The following GSKIP variants were observed in gnomAD, a reference collection of about 807,000 sequenced individuals.
GSKIP encodes the protein GSK3B interacting protein.
GSKIP carries 5 observed loss-of-function variants against 11.9 expected under a neutral mutation model. The ratio of observed to expected loss-of-function variants is 0.42; its 90% confidence interval spans 0.22 to 0.89. The LOEUF is 0.89. GSKIP is among the 40% of genes least tolerant of loss of function. The pLI, the probability that GSKIP is intolerant of heterozygous loss-of-function variation, is 0.29. For missense variants in GSKIP, 150 were observed against 166.6 expected, an observed-to-expected ratio of 0.90 and a Z score of 0.55; for synonymous variants, 70 against 62.9, an observed-to-expected ratio of 1.11 and a Z score of -0.54.
intron 1 of GSKIP, among the ~76,000 whole-genome samples, chr14:96,368,566 G>A (rs1888961659): frequency 1.3e-5 from 2 of 152,148 alleles, no homozygotes. Flanking sequence ...GCACTGCTGT[G>A]GTTTGGATAT....
chr14:96,382,228 C>CA lies in GSKIP; in HGVS notation c.-1-19_-1-18insA. The CA allele has an allele frequency of 7.3e-7, 1 of 1,375,952 alleles. No individual in the cohort carries two copies. Among genetic ancestry groups the CA allele is most frequent in the Non-Finnish European group, 9.8e-7 (1 of 1,022,490 alleles). 85.2% of individuals were successfully genotyped at this position (1,375,952 alleles called of 1,614,324 possible). A position where few individuals can be genotyped will look rare whatever the true frequency, so the allele number is the denominator to read the frequency against. On this transcript the variant is annotated intron_variant, in intron 2 of 3. Coordinates refer to ENST00000555181, the MANE Select transcript of GSKIP (RefSeq NM_016472.5). Reference sequence around the variant, plus strand: ...TTTCTATAAACAAATTTTATAACTGCTTTTTTTTTTTTTTACAGAATGGAA... The same window carrying CA: ...TTTCTATAAACAAATTTTATAACTGCATTTTTTTTTTTTTTACAGAATGGAA...
Position 96,382,442 on chromosome 14 carries a change from T to C in GSKIP, c.195T>C (p.Tyr65=), listed in dbSNP as rs1889372906. The change falls in exon 3 of 4, where the codon TAT becomes TAC. Residue 65 remains tyrosine (Y), a synonymous_variant. Coordinates refer to ENST00000555181, the MANE Select transcript of GSKIP (RefSeq NM_016472.5). The part of the protein sequence containing the change: ...KSLRCADDVA[Y]INVETKERNR... ...TGCGGTGTGCGGATGATGTGGCCTA[T>C]ATCAATGTGGAAACAAAGGAAAGAA... is the stretch of plus-strand genomic sequence containing the variant. 1 of 1,612,882 alleles carries C rather than the reference T, an allele frequency of 6.2e-7. No individual in the cohort carries two copies.
intron 1 of GSKIP, among the ~76,000 whole-genome samples, chr14:96,378,485 C>T (rs1348224254): frequency 1.3e-5 from 2 of 152,186 alleles, no homozygotes; most frequent in Non-Finnish European, 2.9e-5. Context: ...TTCCTGAAGC[C>T]TCTAGAAGGA....
chr14:96,382,864 A>G (rs1398615389), intron 3 of GSKIP, among the ~76,000 whole-genome samples: 1 of 152,090 alleles, frequency 6.6e-6, no homozygotes, highest in Non-Finnish European at 1.5e-5. Context: ...GATTTTCAAC[A>G]CCTCTTGAAA....
intron 1 of GSKIP, among the ~76,000 whole-genome samples, chr14:96,377,033 G>A (rs1889221662): frequency 1.3e-5 from 2 of 152,136 alleles, no homozygotes; most frequent in African/African-American, 4.8e-5. Context: ...CTTTACATCT[G>A]CTGAGATTTT....
chr14:96,382,910 C>G (rs1281095123), intron 3 of GSKIP, among the ~76,000 whole-genome samples: 1 of 152,208 alleles, frequency 6.6e-6, no homozygotes, highest in Non-Finnish European at 1.5e-5. Flanking sequence ...CTTGACAACA[C>G]TGTTTTCCAA....
Position 96,385,712 on chromosome 14 carries a change from G to C in GSKIP, c.*28G>C. 2.5e-6 allele frequency: 4 copies of C among 1,576,356 alleles called. No individual in the cohort carries two copies. The highest frequency in any genetic ancestry group is 3.5e-6 in the Non-Finnish European group (4 of 1,158,090). Reference sequence around the variant, plus strand: ...ACACTTTTTCCTTTCAGAGGGGCTGGTGCTGGTACAGAATGTTGATATAAA... The same window carrying C: ...ACACTTTTTCCTTTCAGAGGGGCTGCTGCTGGTACAGAATGTTGATATAAA... On this transcript the variant is annotated 3_prime_UTR_variant, in exon 4 of 4. Transcript: ENST00000555181.
At chr14:96,364,468 T>A (rs1888808507) in intron 1 of GSKIP, 1 of 152,240 alleles carries the variant, frequency 6.6e-6, no homozygotes, top group South Asian at 2.1e-4. Context: ...TCACAGTGAA[T>A]TAAGACGACC....
rs542670937 is a variant in GSKIP, at chr14:96,372,679, G to C, written c.-102-7009G>C. Among the ~76,000 whole-genome samples, 20 of 152,328 alleles carry C rather than the reference G, an allele frequency of 1.3e-4. No homozygotes were observed. In the South Asian group the frequency reaches 3.9e-3, roughly 30 times the overall value. ...AGCATCATACAAATATGGTGAGCCT[G>C]TTGCCCTATTGTATTGCCTAGAGCC... On this transcript the variant is annotated intron_variant, in intron 1 of 3. Transcript: ENST00000555181.
Position 96,382,359 on chromosome 14 carries a change from G to C in GSKIP, c.112G>C (p.Glu38Gln), listed in dbSNP as rs1260460042. Residue 38 changes from glutamate to glutamine, a missense_variant, in exon 3 of 4, where the codon GAA becomes CAA. Coordinates refer to ENST00000555181, the MANE Select transcript of GSKIP (RefSeq NM_016472.5). ...TDMKDMRLEA[E>Q]AVVNDVLFAV... ...CATGAAAGACATGAGGCTCGAAGCT[G>C]AAGCAGTTGTAAATGATGTTCTCTT... 6.2e-7 allele frequency: 1 copy of C among 1,613,998 alleles called. No homozygotes were observed.
At chr14:96,383,326 A>G (rs777122992) in intron 3 of GSKIP, among the ~76,000 whole-genome samples, 15 of 151,858 alleles carry the variant, frequency 9.9e-5, no homozygotes, top group Non-Finnish European at 1.3e-4. Flanking sequence ...GAGGGGGCCT[A>G]TGAGTTCGAG....
chr14:96,368,184 C>CTTT (rs398057422), intron 1 of GSKIP, among the ~76,000 whole-genome samples: 8 of 133,458 alleles, frequency 6.0e-5, no homozygotes, highest in East Asian at 2.2e-4. Context: ...TATTGCTACT[C>CTTT]TTTTTTTTTT....
At chr14:96,373,053 A>C (rs1272120292) in intron 1 of GSKIP, among the ~76,000 whole-genome samples, 1 of 151,940 alleles carries the variant, frequency 6.6e-6, no homozygotes, top group Non-Finnish European at 1.5e-5. Flanking sequence ...AACATGATGA[A>C]ACCCCGTCTA....
chr14:96,385,118 G>A (rs2139946526), intron 3 of GSKIP, among the ~76,000 whole-genome samples: 1 of 152,118 alleles, frequency 6.6e-6, no homozygotes, highest in South Asian at 2.1e-4. Context: ...TTAATATAGT[G>A]GACCCTCAAT....
At chr14:96,373,598 A>G (rs1428079061) in intron 1 of GSKIP, among the ~76,000 whole-genome samples, 1 of 151,140 alleles carries the variant, frequency 6.6e-6, no homozygotes, top group Non-Finnish European at 1.5e-5. Flanking sequence ...CTGTTCTTCC[A>G]TTAAAAAAAA....
At position 96,386,460 on chromosome 14, in the gene GSKIP, A is replaced by G. The variant is rs533438122; in HGVS notation, c.*776A>G. On this transcript the variant is annotated 3_prime_UTR_variant, in exon 4 of 4. Transcript: ENST00000555181. The stretch of plus-strand genomic sequence containing the variant: ...ATCTTCAGTGTGTGATTTAAAAGAA[A>G]GAAGATTCTGGTTTCCTAGAAAACA... The G allele has an allele frequency of 6.5e-6, 1 of 152,756 alleles. No individual in the cohort carries two copies. The highest frequency in any genetic ancestry group is 2.1e-4 in the South Asian group (1 of 4,832). 9.5% of individuals were successfully genotyped at this position (152,756 alleles called of 1,614,324 possible). A position where few individuals can be genotyped will look rare whatever the true frequency, so the allele number is the denominator to read the frequency against.
chr14:96,382,042 C>CT (rs1040005032), intron 2 of GSKIP, among the ~76,000 whole-genome samples: 9 of 151,690 alleles, frequency 5.9e-5, no homozygotes, highest in East Asian at 3.9e-4. Context: ...AAGGGAGATT[C>CT]TTTTTTTTGA....
At chr14:96,366,996 A>G (rs972304766) in intron 1 of GSKIP, among the ~76,000 whole-genome samples, 2 of 152,206 alleles carry the variant, frequency 1.3e-5, no homozygotes, top group African/African-American at 4.8e-5. Context: ...CGGCTCTTGG[A>G]GGAATTGTAC....
chr14:96,386,613 C>G lies in GSKIP; in HGVS notation c.*929C>G, dbSNP rs1323079560. The G allele has an allele frequency of 1.3e-5, 2 of 152,584 alleles. No individual in the cohort carries two copies. The highest frequency in any genetic ancestry group is 1.3e-4 in the Admixed American group (2 of 15,270). The allele number at this position is 152,584 out of a possible 1,614,324, so 9.5% of individuals were successfully genotyped here. A position where few individuals can be genotyped will look rare whatever the true frequency, so the allele number is the denominator to read the frequency against. On this transcript the variant is annotated 3_prime_UTR_variant, in exon 4 of 4. Transcript: ENST00000555181. ...AGTGCTTTGGTATTCCTACAGCACC[C>G]CACCTTCCCCAACAGATGTACAGTG...
Sources: gnomAD v4.1 joint callset for allele counts (sites outside exome capture counted in the v4.1 genomes callset) on GRCh38, gnomAD v4.1.1 for gene constraint, MANE v1.5 for transcripts, NCBI Gene and HGNC (gene_info 2026-07-23, HGNC 2026-07-21) for gene names.